SIK3: variants seen among roughly 807,000 people sequenced by gnomAD.
The protein encoded by SIK3 is serine/threonine-protein kinase SIK3.
A neutral mutation model predicts 144.2 loss-of-function variants in SIK3; 28 were observed. The ratio of observed to expected loss-of-function variants is 0.19; its 90% CI spans 0.14 to 0.27. SIK3 has a LOEUF of 0.27. Among genes scored for constraint, SIK3 ranks in the 10% least tolerant of loss-of-function variants. The pLI, the probability that SIK3 is intolerant of heterozygous loss-of-function variation, is 1.00. For missense variants in SIK3, 1,319 were observed against 1,776.0 expected, an observed-to-expected ratio of 0.74 and a Z score of 4.62; for synonymous variants, 686 against 676.3, an observed-to-expected ratio of 1.01 and a Z score of -0.22.
intron 1 of SIK3, among the ~76,000 whole-genome samples, chr11:117,054,765 T>C (rs1344543151): frequency 6.6e-6 from 1 of 152,096 alleles, no homozygotes; most frequent in East Asian, 1.9e-4. Flanking sequence ...CCCATCTCTA[T>C]AAATAATTTT....
intron 20 of SIK3, 124 bp downstream of exon 20, chr11:116,859,141 G>T: frequency 1.1e-6 from 1 of 888,038 alleles, no homozygotes; most frequent in Non-Finnish European, 1.7e-6. Flanking sequence ...TTTAGAAAGC[G>T]TGAAACAAGA....
At chr11:116,853,395 A>AAGAGCTAC (rs1449185899) in intron 21 of SIK3, among the ~76,000 whole-genome samples, 1 of 152,220 alleles carries the variant, frequency 6.6e-6, no homozygotes, top group Non-Finnish European at 1.5e-5. Context: ...GATGGTTCCC[A>AAGAGCTAC]AGAGCTACAT....
intron 1 of SIK3, among the ~76,000 whole-genome samples, chr11:116,973,013 AG>A (rs1056948175): frequency 2.0e-5 from 3 of 152,162 alleles, no homozygotes; most frequent in African/African-American, 7.2e-5. Context: ...GCCAACAAAA[AG>A]CTGGGATCCT....
At chr11:117,005,756 A>T (rs1188854926) in intron 1 of SIK3, among the ~76,000 whole-genome samples, 2 of 152,232 alleles carry the variant, frequency 1.3e-5, no homozygotes, top group East Asian at 3.8e-4. Flanking sequence ...AAAGGACATA[A>T]TAGTTATATA....
chr11:117,009,521 C>CT (rs1951174026), intron 1 of SIK3, among the ~76,000 whole-genome samples: 1 of 151,754 alleles, frequency 6.6e-6, no homozygotes, highest in Non-Finnish European at 1.5e-5. Flanking sequence ...GACAGCACTG[C>CT]TGCACTCCAG....
chr11:117,032,250 T>C (rs570493346), intron 1 of SIK3, among the ~76,000 whole-genome samples: 1 of 152,320 alleles, frequency 6.6e-6, no homozygotes, highest in East Asian at 1.9e-4. Flanking sequence ...TGTAGATTAA[T>C]TTGAGGAGAA....
intron 3 of SIK3, among the ~76,000 whole-genome samples, chr11:116,931,123 G>A (rs1947581554): frequency 6.6e-6 from 1 of 152,098 alleles, no homozygotes; most frequent in Non-Finnish European, 1.5e-5. Flanking sequence ...TTTTTGGTCT[G>A]CCCTTCCTTG....
At position 116,849,104 on chromosome 11, in the gene SIK3, G is replaced by A; in HGVS notation, c.3819+16C>T. 6.4e-7 allele frequency: 1 copy of A among 1,570,608 alleles called. No homozygotes were observed. Among genetic ancestry groups the A allele is most frequent in the Non-Finnish European group, 8.7e-7 (1 of 1,153,946 alleles). On this transcript the variant is annotated intron_variant, in intron 22 of 24. Coordinates refer to ENST00000445177, the MANE Select transcript of SIK3 (RefSeq NM_001366686.3). This position sits in a 1 kb window ranked among gnomAD's most constrained non-coding sequence, Gnocchi z 4.2. ...TGGGAGGATCCACCTCTGTGCAGCA[G>A]GTGGGACCAACATACATAAGCATCG...
At position 116,972,957 on chromosome 11, in the gene SIK3, C is replaced by T. The variant is rs182796499; in HGVS notation, c.274-15893G>A. 1.1e-4 allele frequency among the ~76,000 whole-genome samples: 16 copies of T among 152,218 alleles called. No individual in the cohort carries two copies. In the East Asian group the frequency reaches 3.1e-3, roughly 29 times the overall value. On this transcript the variant is annotated intron_variant, in intron 1 of 24. Coordinates refer to ENST00000445177, the MANE Select transcript of SIK3 (RefSeq NM_001366686.3). ...AACTGTGGGTGGCATCAAAGAACTG[C>T]GGGCAGTCTCTCTAGGATCAGTCTC...
rs58587995 is a variant in SIK3 at position 116,965,734 on chromosome 11, A to AATATATATATATAT, written c.274-8684_274-8671dup. Among the ~76,000 whole-genome samples, 61 of 118,344 alleles carry AATATATATATATAT rather than the reference A, an allele frequency of 5.2e-4. 1 individual carries two copies. The highest frequency in any genetic ancestry group is 1.3e-3 in the African/African-American group (34 of 27,132). The allele number at this position is 118,344 out of a possible 152,430, so 77.6% of individuals were successfully genotyped here. A position where few individuals can be genotyped will look rare whatever the true frequency, so the allele number is the denominator to read the frequency against. On this transcript the variant is annotated intron_variant, in intron 1 of 24. Transcript: ENST00000445177. Reference sequence around the variant, plus strand: ...CATGGTGAAAACCCGTCTCTGCTAAAATATATATATATATATATATATATA... The same window carrying AATATATATATATAT: ...CATGGTGAAAACCCGTCTCTGCTAAAATATATATATATATATATATATATATATATATATATATA...
At chr11:116,862,418 A>G (rs1943394398) in intron 16 of SIK3, 91 bp from the exon 17 acceptor site, 1 of 1,555,912 alleles carries the variant, frequency 6.4e-7, no homozygotes, top group African/African-American at 1.4e-5. Flanking sequence ...CCAAGCTCTC[A>G]TGGGCAGAAA....
intron 1 of SIK3, among the ~76,000 whole-genome samples, chr11:116,982,755 G>A (rs573947070): frequency 7.1e-4 from 107 of 151,202 alleles, no homozygotes; most frequent in African/African-American, 2.5e-3. Context: ...AGACATCAAG[G>A]CCAACATGGT....
intron 1 of SIK3, among the ~76,000 whole-genome samples, chr11:117,015,303 A>C (rs1192751103): frequency 6.6e-6 from 1 of 152,166 alleles, no homozygotes; most frequent in East Asian, 1.9e-4. Flanking sequence ...TTAAAATTTT[A>C]AATTTAGAAG....
chr11:116,850,360 C>T (rs1942329927), intron 21 of SIK3, among the ~76,000 whole-genome samples: 1 of 152,222 alleles, frequency 6.6e-6, no homozygotes, highest in Non-Finnish European at 1.5e-5. Context: ...TGTTCCCCAT[C>T]TATGCACAAT....
chr11:117,021,376 C>T (rs1951755399), intron 1 of SIK3, among the ~76,000 whole-genome samples: 2 of 152,084 alleles, frequency 1.3e-5, no homozygotes, highest in South Asian at 4.1e-4. Flanking sequence ...TGCTAAACTG[C>T]CTTGGTCAGA....
intron 23 of SIK3, 116 bp downstream of exon 23, chr11:116,847,360 T>A: frequency 2.9e-6 from 4 of 1,395,966 alleles, no homozygotes; most frequent in Non-Finnish European, 3.0e-6. Context: ...ACCTGTGGGA[T>A]GCTGTGGCTC....
At chr11:116,876,395 C>T in intron 7 of SIK3, 32 bp from the exon 8 acceptor site, 1 of 1,504,834 alleles carries the variant, frequency 6.6e-7, no homozygotes, top group Non-Finnish European at 9.2e-7. Flanking sequence ...GCTGTCAACC[C>T]CCCAATTAAC....
intron 3 of SIK3, among the ~76,000 whole-genome samples, chr11:116,945,731 C>A (rs969694039): frequency 2.0e-5 from 3 of 152,144 alleles, no homozygotes; most frequent in Non-Finnish European, 2.9e-5. Flanking sequence ...AATTTACACA[C>A]AGGTAATTGA....
rs2135444729 is a variant in SIK3 at position 116,966,677 on chromosome 11, T to A, written c.274-9613A>T. Among the ~76,000 whole-genome samples, 2 of 135,396 alleles carry A rather than the reference T, an allele frequency of 1.5e-5. 1 individual carries two copies. Among genetic ancestry groups the A allele is most frequent in the South Asian group, 4.8e-4 (2 of 4,164 alleles). 88.8% of individuals were successfully genotyped at this position (135,396 alleles called of 152,430 possible). A position where few individuals can be genotyped will look rare whatever the true frequency, so the allele number is the denominator to read the frequency against. On this transcript the variant is annotated intron_variant, in intron 1 of 24. Transcript: ENST00000445177. The stretch of plus-strand genomic sequence containing the variant: ...ACTTATAGAAATATTTTGAAATTTT[T>A]AAAAAAGTAGTTTATTTCCAAAGAA...
Sources: allele counts gnomAD v4.1 joint callset (sites outside exome capture counted in the v4.1 genomes callset), GRCh38; gene constraint gnomAD v4.1.1; non-coding constraint Gnocchi (gnomAD v3.1); transcripts MANE v1.5; gene names NCBI Gene and HGNC (gene_info 2026-07-23, HGNC 2026-07-21).